The following SAMD4A variants were observed in gnomAD, a reference collection of about 807,000 sequenced individuals.
SAMD4A encodes sterile alpha motif domain containing 4A, also known as protein Smaug homolog 1.
A neutral mutation model predicts 81.3 loss-of-function variants in SAMD4A; 33 were observed. That is an observed-to-expected ratio of 0.41 (90% confidence interval 0.31 to 0.54). The LOEUF (loss-of-function observed/expected upper bound fraction) is 0.54. Ranked by LOEUF, SAMD4A falls within the 20% of genes least tolerant of loss-of-function variation. The pLI, the probability that SAMD4A is intolerant of heterozygous loss-of-function variation, is 0.37. For missense variants in SAMD4A, 854 were observed against 951.1 expected, an observed-to-expected ratio of 0.90 and a Z score of 1.34; for synonymous variants, 389 against 382.1, an observed-to-expected ratio of 1.02 and a Z score of -0.21.
upstream of SAMD4A, among the ~76,000 whole-genome samples, chr14:54,566,518 C>T (rs1381447318): frequency 6.6e-6 from 1 of 151,834 alleles, no homozygotes; most frequent in African/African-American, 2.4e-5. Context: ...GGGGGAACCC[C>T]CGCAGCCGAA....
At chr14:54,678,002 C>T (rs1240867499) in intron 2 of SAMD4A, among the ~76,000 whole-genome samples, 1 of 152,186 alleles carries the variant, frequency 6.6e-6, no homozygotes, top group African/African-American at 2.4e-5. Flanking sequence ...AGGTTCGTGG[C>T]TGAGGCTCCT....
intron 3 of SAMD4A, 53 bp downstream of exon 3, chr14:54,702,633 A>G: frequency 6.3e-7 from 1 of 1,579,024 alleles, no homozygotes; most frequent in South Asian, 1.1e-5. Flanking sequence ...TTTGCTGTGT[A>G]TGTGGCATGT....
At chr14:54,648,750 T>G (rs2035339149) in intron 2 of SAMD4A, among the ~76,000 whole-genome samples, 1 of 151,992 alleles carries the variant, frequency 6.6e-6, no homozygotes, top group South Asian at 2.1e-4. Flanking sequence ...GTTCTAGATG[T>G]GATGGGAAGT....
chr14:54,633,660 G>A (rs1205035861), intron 2 of SAMD4A, among the ~76,000 whole-genome samples: 7 of 151,948 alleles, frequency 4.6e-5, no homozygotes. Flanking sequence ...GGGGGCAGGA[G>A]GAGTCAGGGA....
At chr14:54,696,248 T>C (rs2036575276) in intron 2 of SAMD4A, among the ~76,000 whole-genome samples, 2 of 152,214 alleles carry the variant, frequency 1.3e-5, no homozygotes, top group Admixed American at 1.3e-4. Flanking sequence ...ATTTTTCAGG[T>C]GCCCTGGGCT....
At chr14:54,669,105 C>T (rs78450722) in intron 2 of SAMD4A, among the ~76,000 whole-genome samples, 35 of 152,318 alleles carry the variant, frequency 2.3e-4, no homozygotes, top group East Asian at 7.7e-4. Context: ...GAGAAGGAGG[C>T]GCAGCCACAG....
At chr14:54,640,613 G>A (rs1253438668) in intron 2 of SAMD4A, among the ~76,000 whole-genome samples, 1 of 152,172 alleles carries the variant, frequency 6.6e-6, no homozygotes, top group Non-Finnish European at 1.5e-5. Flanking sequence ...AGCTTTAGCT[G>A]CTTCTTCCTG....
chr14:54,737,999 T>A (rs2037743748), intron 4 of SAMD4A, among the ~76,000 whole-genome samples: 1 of 152,208 alleles, frequency 6.6e-6, no homozygotes, highest in South Asian at 2.1e-4. Context: ...AAATTACTTA[T>A]GATAGGTACA....
At chr14:54,706,582 G>A (rs998744259) in intron 3 of SAMD4A, among the ~76,000 whole-genome samples, 1 of 150,288 alleles carries the variant, frequency 6.7e-6, no homozygotes, top group Non-Finnish European at 1.5e-5. Flanking sequence ...TCCAGCCTGG[G>A]TGACAGAGCA....
At chr14:54,615,390 C>T (rs2034466154) in intron 2 of SAMD4A, among the ~76,000 whole-genome samples, 1 of 152,166 alleles carries the variant, frequency 6.6e-6, no homozygotes, top group Admixed American at 6.5e-5. Flanking sequence ...TTACATGAAC[C>T]ACGTCTCTTG....
At chr14:54,570,856 T>C (rs2033108658) in intron 2 of SAMD4A, among the ~76,000 whole-genome samples, 1 of 152,226 alleles carries the variant, frequency 6.6e-6, no homozygotes, top group Non-Finnish European at 1.5e-5. Flanking sequence ...AAAACTAGGC[T>C]GTGCAGAATG....
At chr14:54,725,216 A>G (rs1018734715) in intron 3 of SAMD4A, among the ~76,000 whole-genome samples, 2 of 152,246 alleles carry the variant, frequency 1.3e-5, no homozygotes, top group Non-Finnish European at 2.9e-5. Context: ...GATTTCAGTC[A>G]ATCTGTATTG....
chr14:54,748,188 T>G (rs2038013850), intron 4 of SAMD4A, among the ~76,000 whole-genome samples: 1 of 152,332 alleles, frequency 6.6e-6, no homozygotes, highest in Admixed American at 6.5e-5. Flanking sequence ...GAAAGAGTTT[T>G]GGGGATCAGG....
Position 54,673,276 on chromosome 14 carries a change from G to T in SAMD4A, c.197-28786G>T, listed in dbSNP as rs376974065. Among the ~76,000 whole-genome samples the T allele has an allele frequency of 5.9e-5, 9 of 152,300 alleles. No homozygotes were observed. In the East Asian group the frequency reaches 1.5e-3, roughly 26 times the overall value. ...CATGTTTGTCCAGAGCTAGAATTTG[G>T]CTCTTTCACGCTCAGGCCTAAAGGG... On this transcript the variant is annotated intron_variant, in intron 2 of 12. Coordinates refer to ENST00000554335, the MANE Select transcript of SAMD4A (RefSeq NM_015589.6).
intron 3 of SAMD4A, among the ~76,000 whole-genome samples, chr14:54,707,397 C>A (rs2036886867): frequency 6.6e-6 from 1 of 152,026 alleles, no homozygotes; most frequent in Non-Finnish European, 1.5e-5. Context: ...AGCCACCACA[C>A]CCAGCCTGAC....
chr14:54,763,320 C>T (rs531199996), intron 7 of SAMD4A, among the ~76,000 whole-genome samples: 5 of 151,800 alleles, frequency 3.3e-5, no homozygotes, highest in South Asian at 4.2e-4. Context: ...AGACCAGCCT[C>T]GGCAACATAG....
chr14:54,637,570 AAG>A (rs1314557993), intron 2 of SAMD4A, among the ~76,000 whole-genome samples: 1 of 152,044 alleles, frequency 6.6e-6, no homozygotes, highest in African/African-American at 2.4e-5. Context: ...CCACCTGGAG[AAG>A]AGACCTGGGA....
rs190825406 is a variant in SAMD4A at position 54,701,988 on chromosome 14, A to G, written c.197-74A>G. ...TAGATTGGGACCCTAATCCATAAAA[A>G]TTCTCTTTAGAGTATCTGTTTAGAG... On this transcript the variant is annotated intron_variant, in intron 2 of 12. Coordinates refer to ENST00000554335, the MANE Select transcript of SAMD4A (RefSeq NM_015589.6). 1.7e-3 allele frequency: 2,504 copies of G among 1,482,842 alleles called. 54 individuals carry two copies. The Admixed American group carries it at 0.038, about 23-fold the overall frequency. 91.9% of individuals were successfully genotyped at this position (1,482,842 alleles called of 1,614,324 possible). A position where few individuals can be genotyped will look rare whatever the true frequency, so the allele number is the denominator to read the frequency against.
chr14:54,772,779 G>A (rs553582921), intron 9 of SAMD4A, among the ~76,000 whole-genome samples: 3 of 151,462 alleles, frequency 2.0e-5, no homozygotes, highest in Admixed American at 6.6e-5. Flanking sequence ...CCAAAATTCC[G>A]ACTTCAGAAC....
Sources: gnomAD v4.1 joint callset for allele counts (sites outside exome capture counted in the v4.1 genomes callset) on GRCh38, gnomAD v4.1.1 for gene constraint, MANE v1.5 for transcripts, NCBI Gene and HGNC (gene_info 2026-07-23, HGNC 2026-07-21) for gene names.